The following ATRNL1 variants were observed in gnomAD, a reference collection of about 807,000 sequenced individuals.
ATRNL1 encodes attractin-like protein 1.
Under a neutral mutation model 182.7 loss-of-function variants are expected in ATRNL1, and 95 were observed. That is an observed-to-expected ratio of 0.52 (90% confidence interval 0.44 to 0.62). The LOEUF (loss-of-function observed/expected upper bound fraction) is 0.62. ATRNL1 is among the 20% of genes least tolerant of loss of function. ATRNL1 has a pLI of 0.00. For missense variants in ATRNL1, 1,471 were observed against 1,679.5 expected (o/e 0.88, Z 2.17); for synonymous variants, 576 against 568.3 (o/e 1.01, Z -0.19).
chr10:115,286,009 CT>C (rs1209734096), intron 14 of ATRNL1, among the ~76,000 whole-genome samples: 7 of 151,948 alleles, frequency 4.6e-5, no homozygotes, highest in Non-Finnish European at 1.0e-4. Flanking sequence ...CATAATTTAT[CT>C]CATGTTTAAG....
chr10:115,190,825 A>G (rs1230368339), intron 8 of ATRNL1, among the ~76,000 whole-genome samples: 1 of 152,018 alleles, frequency 6.6e-6, no homozygotes, highest in Non-Finnish European at 1.5e-5. Context: ...TATTCATTCT[A>G]TCTGTATTTT....
At chr10:115,358,365 C>T (rs532168314) in intron 19 of ATRNL1, among the ~76,000 whole-genome samples, 43 of 151,698 alleles carry the variant, frequency 2.8e-4, no homozygotes, top group African/African-American at 1.0e-3. Context: ...GCTTGTAAAT[C>T]CTTTTATACT....
At chr10:115,368,383 C>T (rs1179285410) in intron 19 of ATRNL1, among the ~76,000 whole-genome samples, 4 of 152,218 alleles carry the variant, frequency 2.6e-5, no homozygotes, top group South Asian at 2.1e-4. Flanking sequence ...TGCTTCGGCT[C>T]GCGCACGGTG....
intron 22 of ATRNL1, among the ~76,000 whole-genome samples, chr10:115,466,624 A>G (rs1199897628): frequency 1.3e-5 from 2 of 151,310 alleles, no homozygotes; most frequent in African/African-American, 2.4e-5. Flanking sequence ...GTTCCTCTCT[A>G]TAACTGTGTA....
intron 26 of ATRNL1, among the ~76,000 whole-genome samples, chr10:115,700,540 G>A (rs994575730): frequency 3.3e-5 from 5 of 151,836 alleles, no homozygotes; most frequent in Non-Finnish European, 5.9e-5. Context: ...TTTTTACTGG[G>A]GTTATTTGAC....
chr10:115,294,328 A>T (rs1853072238), intron 15 of ATRNL1, among the ~76,000 whole-genome samples: 1 of 152,226 alleles, frequency 6.6e-6, no homozygotes, highest in African/African-American at 2.4e-5. Flanking sequence ...TCTGTTAAAA[A>T]AGAAGAAAGA....
chr10:115,832,834 A>T (rs1950588952), intron 27 of ATRNL1, among the ~76,000 whole-genome samples: 1 of 152,052 alleles, frequency 6.6e-6, no homozygotes, highest in Admixed American at 6.6e-5. Context: ...CTTTTATCTG[A>T]TACTCACACC....
intron 26 of ATRNL1, among the ~76,000 whole-genome samples, chr10:115,554,809 T>C (rs369610460): frequency 8.0e-4 from 122 of 151,774 alleles, no homozygotes; most frequent in African/African-American, 2.7e-3. Context: ...CAAAAAAACT[T>C]TGGGCACTGT....
intron 8 of ATRNL1, among the ~76,000 whole-genome samples, chr10:115,208,717 A>G (rs1405325481): frequency 1.3e-5 from 2 of 151,996 alleles, no homozygotes; most frequent in Non-Finnish European, 2.9e-5. Context: ...GGTCCTTTCC[A>G]TAGCCTTAAG....
intron 20 of ATRNL1, among the ~76,000 whole-genome samples, chr10:115,405,921 C>G (rs1324193983): frequency 1.4e-5 from 2 of 148,122 alleles, no homozygotes; most frequent in African/African-American, 5.0e-5. Context: ...CAGTTCCCAC[C>G]TATGAGTGAG....
intron 8 of ATRNL1, among the ~76,000 whole-genome samples, chr10:115,177,390 A>G (rs1847555271): frequency 1.3e-5 from 2 of 152,172 alleles, no homozygotes; most frequent in South Asian, 2.1e-4. Context: ...GAAACTGGCA[A>G]GAAACTTAGG....
chr10:115,256,033 G>T (rs1261873784), intron 10 of ATRNL1, among the ~76,000 whole-genome samples: 1 of 152,138 alleles, frequency 6.6e-6, no homozygotes, highest in Non-Finnish European at 1.5e-5. Context: ...GATGGATTTG[G>T]TTTGCCAGTA....
chr10:115,099,010 C>CT (rs1395396329), intron 1 of ATRNL1, among the ~76,000 whole-genome samples: 12 of 152,160 alleles, frequency 7.9e-5, no homozygotes, highest in African/African-American at 2.9e-4. Flanking sequence ...GCATCTGAAA[C>CT]TGTCACCACA....
At chr10:115,408,214 A>G (rs1295913505) in intron 20 of ATRNL1, among the ~76,000 whole-genome samples, 2 of 151,464 alleles carry the variant, frequency 1.3e-5, no homozygotes, top group East Asian at 2.0e-4. Flanking sequence ...CTTGTTAGCC[A>G]GGATGGTCTC....
chr10:115,702,683 A>G (rs1946775456), intron 26 of ATRNL1, among the ~76,000 whole-genome samples: 1 of 151,880 alleles, frequency 6.6e-6, no homozygotes, highest in East Asian at 1.9e-4. Context: ...ATACAATCTC[A>G]TTTACAATAG....
At chr10:115,926,250 G>A (rs1953227975) in intron 28 of ATRNL1, among the ~76,000 whole-genome samples, 1 of 152,034 alleles carries the variant, frequency 6.6e-6, no homozygotes, top group Non-Finnish European at 1.5e-5. Flanking sequence ...CTGAGACACA[G>A]CTAAAGTGGT....
At chr10:115,621,231 C>T (rs1857721452) in intron 26 of ATRNL1, among the ~76,000 whole-genome samples, 1 of 130,054 alleles carries the variant, frequency 7.7e-6, no homozygotes, top group African/African-American at 2.9e-5. Context: ...TTATAGAGTT[C>T]AAATAATGGC....
chr10:115,822,573 A>G (rs1292319885), intron 27 of ATRNL1, among the ~76,000 whole-genome samples: 1 of 147,562 alleles, frequency 6.8e-6, no homozygotes, highest in Admixed American at 6.8e-5. Context: ...AATCAAACAG[A>G]CACAATAAAA....
At chr10:115,728,298 C>CAAA (rs58437496) in intron 27 of ATRNL1, among the ~76,000 whole-genome samples, 249 of 58,702 alleles carry the variant, frequency 4.2e-3, no homozygotes, top group Middle Eastern at 0.019. Context: ...GACTCCGCCT[C>CAAA]AAAAAAAAAA....
Sources: gnomAD v4.1 joint callset for allele counts (sites outside exome capture counted in the v4.1 genomes callset) on GRCh38, gnomAD v4.1.1 for gene constraint, MANE v1.5 for transcripts, NCBI Gene and HGNC (gene_info 2026-07-23, HGNC 2026-07-21) for gene names.